The following PLEKHA5 variants were observed in gnomAD, a reference collection of about 807,000 sequenced individuals.
The protein encoded by PLEKHA5 is pleckstrin homology domain containing A5.
PLEKHA5 carries 55 observed loss-of-function variants against 181.9 expected under a neutral mutation model. That is an observed-to-expected ratio of 0.30 (90% CI 0.24 to 0.38). The LOEUF is 0.38. Among genes scored for constraint, PLEKHA5 ranks in the 10% least tolerant of loss-of-function variants. The pLI is 1.00. For synonymous variants in PLEKHA5, 535 were observed against 529.4 expected, an observed-to-expected ratio of 1.01 and a Z score of -0.15; for missense variants, 1,432 against 1,549.5, an observed-to-expected ratio of 0.92 and a Z score of 1.27.
At chr12:19,372,396 T>G (rs1865155043) in intron 31 of PLEKHA5, 2 of 107,516 alleles carry the variant, frequency 1.9e-5, no homozygotes, top group Admixed American at 9.5e-5. Flanking sequence ...GGATTATTTG[T>G]TTTTGTTTTT....
Position 19,265,856 on chromosome 12 carries a change from G to A in PLEKHA5, c.711+6G>A. The A allele has an allele frequency of 6.7e-7, 1 of 1,496,176 alleles. No individual in the cohort carries two copies. Among genetic ancestry groups the A allele is most frequent in the Non-Finnish European group, 9.3e-7 (1 of 1,079,160 alleles). 92.7% of individuals were successfully genotyped at this position (1,496,176 alleles called of 1,614,324 possible). A position where few individuals can be genotyped will look rare whatever the true frequency, so the allele number is the denominator to read the frequency against. ...ATCGCAAATATGCTTTTAAGGTAAG[G>A]AAATAATGCAGTTTTTAATTCTGTG... On this transcript the variant is annotated splice_donor_region_variant and intron_variant, in intron 8 of 31. Coordinates refer to ENST00000429027, the MANE Select transcript of PLEKHA5 (RefSeq NM_001256470.2).
intron 29 of PLEKHA5, among the ~76,000 whole-genome samples, chr12:19,364,222 T>C (rs1244700358): frequency 6.6e-6 from 1 of 152,112 alleles, no homozygotes; most frequent in Non-Finnish European, 1.5e-5. Flanking sequence ...TATCATTGTT[T>C]TGTGGCAGGG....
intron 3 of PLEKHA5, among the ~76,000 whole-genome samples, chr12:19,157,336 A>T (rs570727382): frequency 1.3e-5 from 2 of 152,358 alleles, no homozygotes; most frequent in Middle Eastern, 3.4e-3. Context: ...TAAGCAGTCT[A>T]CAAACTCTTC....
At chr12:19,265,086 A>G (rs376867230) in intron 7 of PLEKHA5, among the ~76,000 whole-genome samples, 2 of 152,352 alleles carry the variant, frequency 1.3e-5, no homozygotes, top group South Asian at 2.1e-4. Context: ...AGTAAAAAGC[A>G]GACCTTCAAA....
chr12:19,194,723 T>G (rs2052206679), intron 3 of PLEKHA5, among the ~76,000 whole-genome samples: 1 of 152,160 alleles, frequency 6.6e-6, no homozygotes, highest in Non-Finnish European at 1.5e-5. Flanking sequence ...GAGGCACAGA[T>G]TTTAGGATTC....
chr12:19,285,505 G>A (rs548344617), intron 12 of PLEKHA5, among the ~76,000 whole-genome samples: 1 of 152,302 alleles, frequency 6.6e-6, no homozygotes, highest in East Asian at 1.9e-4. Context: ...ATGGACCCCT[G>A]TGGGGGTTCC....
chr12:19,322,419 T>C (rs775526967), intron 19 of PLEKHA5, 29 bp downstream of exon 19: 18 of 1,574,200 alleles, frequency 1.1e-5, no homozygotes, highest in East Asian at 1.1e-4. Flanking sequence ...TTGTCTACAA[T>C]TGATGTTACT....
chr12:19,195,603 G>A (rs2052490802), intron 3 of PLEKHA5, among the ~76,000 whole-genome samples: 1 of 148,474 alleles, frequency 6.7e-6, no homozygotes, highest in South Asian at 2.2e-4. Flanking sequence ...CCAGGAGGTG[G>A]AAGCTGCAGC....
At chr12:19,131,574 C>T (rs2033853716) in intron 2 of PLEKHA5, among the ~76,000 whole-genome samples, 1 of 152,012 alleles carries the variant, frequency 6.6e-6, no homozygotes, top group African/African-American at 2.4e-5. Context: ...ACTAATTATC[C>T]TATGGAATTA....
At chr12:19,131,431 C>G (rs1188293193) in intron 2 of PLEKHA5, among the ~76,000 whole-genome samples, 1 of 152,192 alleles carries the variant, frequency 6.6e-6, no homozygotes, top group East Asian at 1.9e-4. Context: ...TCTCAATTCC[C>G]CGGTGCAGGC....
intron 11 of PLEKHA5, among the ~76,000 whole-genome samples, chr12:19,280,714 T>C (rs1405057719): frequency 6.6e-6 from 1 of 151,802 alleles, no homozygotes; most frequent in African/African-American, 2.4e-5. Flanking sequence ...GATGAATACT[T>C]GTAATTTAAT....
chr12:19,217,170 G>A (rs987461869), intron 3 of PLEKHA5, among the ~76,000 whole-genome samples: 8 of 152,178 alleles, frequency 5.3e-5, no homozygotes, highest in Non-Finnish European at 1.2e-4. Context: ...AGGGATACAT[G>A]GGGTTTTTCA....
intron 20 of PLEKHA5, among the ~76,000 whole-genome samples, chr12:19,326,217 A>G (rs2092058284): frequency 6.6e-6 from 1 of 152,148 alleles, no homozygotes; most frequent in South Asian, 2.1e-4. Flanking sequence ...AATACAAACT[A>G]TGTTATTTGT....
At chr12:19,345,911 A>T (rs913181270) in intron 23 of PLEKHA5, 23 bp downstream of exon 23, 4 of 1,198,640 alleles carry the variant, frequency 3.3e-6, no homozygotes, top group Non-Finnish European at 4.9e-6. Flanking sequence ...TGTTTTTCTA[A>T]TTATAAATTA....
intron 3 of PLEKHA5, among the ~76,000 whole-genome samples, chr12:19,167,739 G>A (rs1648558148): frequency 6.6e-6 from 1 of 152,036 alleles, no homozygotes; most frequent in Non-Finnish European, 1.5e-5. Context: ...TCATTAAACA[G>A]TTGTCATATA....
intron 3 of PLEKHA5, among the ~76,000 whole-genome samples, chr12:19,137,063 G>A (rs946385446): frequency 2.0e-5 from 3 of 150,568 alleles, no homozygotes; most frequent in African/African-American, 4.9e-5. Context: ...TTTTCTTTGA[G>A]ACGGAGTTTC....
At position 19,269,864 on chromosome 12, in the gene PLEKHA5, T is replaced by G; in HGVS notation, c.806T>G (p.Val269Gly). Residue 269 changes from valine to glycine, a missense_variant, in exon 9 of 32, where the codon GTA becomes GGA. Physicochemically the swap from Val to Gly is moderately radical, Grantham distance 109 (BLOSUM62 -3). Around this residue, in one of 2 missense-constraint regions of PLEKHA5, gnomAD observed 289 missense variants for 381.1 expected, o/e 0.76. Transcript: ENST00000429027. ...AAAGCCATGTTAGATGCTGCCCTAGTACAGACAGAACCTGTGAAAAGGTAA... is the reference window on the plus strand; with the variant it reads ...AAAGCCATGTTAGATGCTGCCCTAGGACAGACAGAACCTGTGAAAAGGTAA... ...WMKAMLDAAL[V>G]QTEPVKRITF... 6.3e-7 allele frequency: 1 copy of G among 1,584,062 alleles called. No homozygotes were observed. Among genetic ancestry groups the G allele is most frequent in the Non-Finnish European group, 8.7e-7 (1 of 1,152,768 alleles).
intron 20 of PLEKHA5, among the ~76,000 whole-genome samples, chr12:19,331,279 G>C (rs768504006): frequency 1.3e-5 from 2 of 152,172 alleles, no homozygotes; most frequent in African/African-American, 2.4e-5. Flanking sequence ...AGTAGATTTT[G>C]TTGTAAATTG....
intron 4 of PLEKHA5, among the ~76,000 whole-genome samples, chr12:19,254,235 A>G (rs1053258315): frequency 2.0e-5 from 3 of 152,184 alleles, no homozygotes; most frequent in Non-Finnish European, 4.4e-5. Flanking sequence ...TTTTTATAGT[A>G]CTTCAAACGC....
Sources: allele counts gnomAD v4.1 joint callset (sites outside exome capture counted in the v4.1 genomes callset), GRCh38; gene constraint gnomAD v4.1.1; regional missense constraint gnomAD v4.1.1; transcripts MANE v1.5; gene names NCBI Gene and HGNC (gene_info 2026-07-23, HGNC 2026-07-21).